FBXL7: variants seen among roughly 807,000 people sequenced by gnomAD.
The protein encoded by FBXL7 is F-box and leucine rich repeat protein 7, also known as F-box/LRR-repeat protein 7.
A neutral mutation model predicts 38.3 loss-of-function variants in FBXL7; 12 were observed. The observed-to-expected ratio is 0.31, with a 90% CI of 0.20 to 0.51. The LOEUF is 0.51. Ranked by LOEUF, FBXL7 falls within the 20% of genes least tolerant of loss-of-function variation. FBXL7 has a pLI of 0.98. For synonymous variants in FBXL7, 297 were observed against 300.9 expected, an observed-to-expected ratio of 0.99 and a Z score of 0.13; for missense variants, 567 against 676.4, an observed-to-expected ratio of 0.84 and a Z score of 1.79.
intron 1 of FBXL7, among the ~76,000 whole-genome samples, chr5:15,608,864 G>C (rs1436631673): frequency 1.3e-5 from 2 of 152,252 alleles, no homozygotes; most frequent in East Asian, 3.9e-4. Flanking sequence ...CATTGGTTCT[G>C]TTTCTCTGGA....
chr5:15,694,273 G>T (rs1743267153), intron 2 of FBXL7, among the ~76,000 whole-genome samples: 1 of 151,810 alleles, frequency 6.6e-6, no homozygotes, highest in Non-Finnish European at 1.5e-5. Flanking sequence ...ATAAGTGTAG[G>T]TCTTCTTTTG....
intron 2 of FBXL7, among the ~76,000 whole-genome samples, chr5:15,863,811 C>T (rs1281748257): frequency 6.6e-6 from 1 of 152,190 alleles, no homozygotes; most frequent in Non-Finnish European, 1.5e-5. Flanking sequence ...CATGCTTCCT[C>T]TCTTTGTATG....
chr5:15,627,282 G>A (rs998971244), intron 2 of FBXL7, among the ~76,000 whole-genome samples: 2 of 152,140 alleles, frequency 1.3e-5, no homozygotes, highest in Admixed American at 1.3e-4. Flanking sequence ...CTCAACAGGT[G>A]GTCTAAAGCA....
chr5:15,748,999 C>CTA (rs935015859), intron 2 of FBXL7, among the ~76,000 whole-genome samples: 6 of 152,100 alleles, frequency 3.9e-5, no homozygotes, highest in African/African-American at 1.4e-4. Context: ...AATCCCAGCA[C>CTA]TTTAGGAGGC....
intron 2 of FBXL7, among the ~76,000 whole-genome samples, chr5:15,710,743 G>T (rs1426358895): frequency 6.6e-6 from 1 of 152,138 alleles, no homozygotes; most frequent in Non-Finnish European, 1.5e-5. Context: ...TTCTAGGGCT[G>T]CCATAACAAA....
chr5:15,786,785 A>C (rs886575866), intron 2 of FBXL7, among the ~76,000 whole-genome samples: 5 of 152,160 alleles, frequency 3.3e-5, no homozygotes, highest in African/African-American at 1.2e-4. Flanking sequence ...GATGGGTGTA[A>C]TGAGTGAACG....
chr5:15,608,238 G>A (rs1253299836), intron 1 of FBXL7, among the ~76,000 whole-genome samples: 1 of 152,154 alleles, frequency 6.6e-6, no homozygotes, highest in African/African-American at 2.4e-5. Flanking sequence ...ATGGTTTCAT[G>A]CTTTACCTGC....
In FBXL7 at chr5:15,938,963, A is replaced by T. The variant is rs1185478813; in HGVS notation, c.*1777A>T. 5 of 399,072 alleles carry T rather than the reference A, an allele frequency of 1.3e-5. No homozygotes were observed. The highest frequency in any genetic ancestry group is 1.3e-5 in the Non-Finnish European group (3 of 226,070). The allele number at this position is 399,072 out of a possible 1,614,324, so 24.7% of individuals were successfully genotyped here. A position where few individuals can be genotyped will look rare whatever the true frequency, so the allele number is the denominator to read the frequency against. On this transcript the variant is annotated 3_prime_UTR_variant, in exon 4 of 4. Transcript: ENST00000504595. ...TCTTCTCAAAATGCCCATTATCCAA[A>T]TGCAGAACCTCTGCATCTCCAAGCC...
chr5:15,639,591 C>T (rs77611788), intron 2 of FBXL7, among the ~76,000 whole-genome samples: 22,346 of 151,826 alleles, frequency 0.15, 1,998 homozygotes, highest in East Asian at 0.45. Context: ...TTCCCAGTCT[C>T]GGGTGTGTCT....
intron 1 of FBXL7, among the ~76,000 whole-genome samples, chr5:15,609,654 T>G (rs1450008696): frequency 6.6e-6 from 1 of 152,190 alleles, no homozygotes; most frequent in African/African-American, 2.4e-5. Flanking sequence ...CCCAACAGAC[T>G]TTCCTTGACT....
intron 1 of FBXL7, among the ~76,000 whole-genome samples, chr5:15,585,691 T>C (rs1182795653): frequency 6.6e-6 from 1 of 152,212 alleles, no homozygotes; most frequent in Non-Finnish European, 1.5e-5. Context: ...TAACTCTAAC[T>C]CCATCAAGTT....
chr5:15,587,770 C>T (rs1317339722), intron 1 of FBXL7, among the ~76,000 whole-genome samples: 1 of 152,102 alleles, frequency 6.6e-6, no homozygotes, highest in Non-Finnish European at 1.5e-5. Context: ...TATTTTTATT[C>T]ATCCAGCATG....
intron 2 of FBXL7, among the ~76,000 whole-genome samples, chr5:15,683,459 GTC>G (rs1742915140): frequency 6.6e-6 from 1 of 152,180 alleles, no homozygotes; most frequent in East Asian, 1.9e-4. Context: ...TTCTGCCTAA[GTC>G]TTCTTGATAC....
chr5:15,589,621 A>C (rs1739411212), intron 1 of FBXL7, among the ~76,000 whole-genome samples: 1 of 152,214 alleles, frequency 6.6e-6, no homozygotes, highest in Non-Finnish European at 1.5e-5. Flanking sequence ...TTGTGCATAA[A>C]AAGTCTTGAT....
intron 2 of FBXL7, among the ~76,000 whole-genome samples, chr5:15,802,827 A>G (rs1737606817): frequency 6.6e-6 from 1 of 151,784 alleles, no homozygotes; most frequent in African/African-American, 2.4e-5. Context: ...CTATTTTTGT[A>G]TTTTTAGTAG....
At chr5:15,877,490 G>T (rs538724264) in intron 2 of FBXL7, among the ~76,000 whole-genome samples, 38 of 152,238 alleles carry the variant, frequency 2.5e-4, no homozygotes, top group Non-Finnish European at 4.4e-4. Context: ...GATGCAGTTG[G>T]GATGATACAA....
At chr5:15,701,148 G>T (rs1466773246) in intron 2 of FBXL7, among the ~76,000 whole-genome samples, 1 of 152,028 alleles carries the variant, frequency 6.6e-6, no homozygotes. Flanking sequence ...GATATTTTTG[G>T]TTTTTCACTC....
At chr5:15,667,568 A>G (rs1292187517) in intron 2 of FBXL7, among the ~76,000 whole-genome samples, 1 of 152,176 alleles carries the variant, frequency 6.6e-6, no homozygotes, top group Non-Finnish European at 1.5e-5. Context: ...GATTCTGTGT[A>G]AGAAAGTTGG....
chr5:15,763,519 C>T (rs551634787), intron 2 of FBXL7, among the ~76,000 whole-genome samples: 39 of 152,194 alleles, frequency 2.6e-4, no homozygotes, highest in African/African-American at 7.9e-4. Flanking sequence ...GAGACTACAT[C>T]GAATATAATT....
Sources: gnomAD v4.1 joint callset for allele counts (sites outside exome capture counted in the v4.1 genomes callset) on GRCh38, gnomAD v4.1.1 for gene constraint, MANE v1.5 for transcripts, NCBI Gene and HGNC (gene_info 2026-07-23, HGNC 2026-07-21) for gene names.